TUBGCP2: variants seen among roughly 807,000 people sequenced by gnomAD.
TUBGCP2 encodes the protein tubulin gamma complex component 2.
In TUBGCP2, 55 loss-of-function variants were observed where a neutral mutation model predicts 92.2. The ratio of observed to expected loss-of-function variants is 0.60; its 90% CI spans 0.48 to 0.75. The LOEUF is 0.75. Among genes scored for constraint, TUBGCP2 ranks in the 30% least tolerant of loss-of-function variants. The pLI, the probability that TUBGCP2 is intolerant of heterozygous loss-of-function variation, is 0.00. For missense variants in TUBGCP2, 1,093 were observed against 1,188.9 expected, an observed-to-expected ratio of 0.92 and a Z score of 1.19; for synonymous variants, 533 against 505.2, an observed-to-expected ratio of 1.06 and a Z score of -0.74.
upstream of TUBGCP2, chr10:133,308,898 C>T (rs1847904323): frequency 8.3e-7 from 1 of 1,204,800 alleles, no homozygotes; most frequent in Non-Finnish European, 1.0e-6. Flanking sequence ...TCCGGCTCGG[C>T]TCGCGGACGG....
At position 133,293,027 on chromosome 10, in the gene TUBGCP2, G is replaced by A. The variant is rs768048416; in HGVS notation, c.1024+12C>T. The A allele has an allele frequency of 1.2e-6, 2 of 1,611,632 alleles. No homozygotes were observed. Among genetic ancestry groups the A allele is most frequent in the Non-Finnish European group, 1.7e-6 (2 of 1,179,460 alleles). On this transcript the variant is annotated intron_variant, in intron 7 of 17. Transcript: ENST00000252936. ...CCCACCACTGCCCCATGCCCCCCGG[G>A]CGGGCACGCACCGAGGGAGGCCAGG...
chr10:133,309,541 C>A (rs549041009), upstream of TUBGCP2: 102 of 1,507,902 alleles, frequency 6.8e-5, no homozygotes, highest in Non-Finnish European at 9.1e-5. Context: ...TGGGGCTGTG[C>A]TGCCGCTCTT....
rs773839000 is a variant in TUBGCP2, at chr10:133,281,448, G to C, written c.2410-12C>G. On this transcript the variant is annotated splice_polypyrimidine_tract_variant and intron_variant, in intron 16 of 17. Coordinates refer to ENST00000252936, the MANE Select transcript of TUBGCP2 (RefSeq NM_006659.4). ...TGCTCAGCCAGGTGCTGGAAAGAAA[G>C]CCGGGGTGCGTGAGCCATGCCCACC... The C allele has an allele frequency of 2.5e-6, 4 of 1,609,816 alleles. No homozygotes were observed. Among genetic ancestry groups the C allele is most frequent in the Non-Finnish European group, 3.4e-6 (4 of 1,179,372 alleles).
In TUBGCP2 at chr10:133,292,047, GTGTCCCCCA is replaced by G. The variant is rs1365013580; in HGVS notation, c.1214+443_1214+451del. Reference sequence around the variant, plus strand: ...CCTCTGTGTCCCTCCGTGTCCCTCCGTGTCCCCCATGTCCCTCCGTGTCCCCCGTGTCCC... The same window carrying G: ...CCTCTGTGTCCCTCCGTGTCCCTCCGTGTCCCTCCGTGTCCCCCGTGTCCC... On this transcript the variant is annotated intron_variant, in intron 8 of 17. Coordinates refer to ENST00000252936, the MANE Select transcript of TUBGCP2 (RefSeq NM_006659.4). 7.1e-4 allele frequency among the ~76,000 whole-genome samples: 8 copies of G among 11,256 alleles called. 1 individual carries two copies. The highest frequency in any genetic ancestry group is 1.5e-3 in the Non-Finnish European group (7 of 4,756). The allele number at this position is 11,256 out of a possible 152,430, so 7.4% of individuals were successfully genotyped here.
At position 133,283,700 on chromosome 10, in the gene TUBGCP2, TCTCC is replaced by T. The variant is rs1564934603; in HGVS notation, c.2145+178_2145+181del. On this transcript the variant is annotated intron_variant, in intron 14 of 17. Coordinates refer to ENST00000252936, the MANE Select transcript of TUBGCP2 (RefSeq NM_006659.4). Reference sequence around the variant, plus strand: ...CCCTGCCTCTCCCGCATTCCCTGCCTCTCCCGCACGCCCTGCCTCTCCCGCACTC... The same window carrying T: ...CCCTGCCTCTCCCGCATTCCCTGCCTCGCACGCCCTGCCTCTCCCGCACTC... Among the ~76,000 whole-genome samples the T allele has an allele frequency of 1.7e-3, 105 of 62,074 alleles. 1 individual carries two copies. Among genetic ancestry groups the T allele is most frequent in the African/African-American group, 3.4e-3 (91 of 27,146 alleles). 40.7% of individuals were successfully genotyped at this position (62,074 alleles called of 152,430 possible).
intron 1 of TUBGCP2, among the ~76,000 whole-genome samples, chr10:133,306,728 C>A (rs898292219): frequency 6.6e-6 from 1 of 152,148 alleles, no homozygotes; most frequent in African/African-American, 2.4e-5. Flanking sequence ...GCGGAGCTTG[C>A]AGTGAGCCAA....
intron 5 of TUBGCP2, among the ~76,000 whole-genome samples, 192 bp from the exon 6 acceptor site, chr10:133,293,961 G>T (rs907415047): frequency 6.6e-6 from 1 of 152,246 alleles, no homozygotes; most frequent in Non-Finnish European, 1.5e-5. Flanking sequence ...GCAGGACGGG[G>T]CCGGCCTGGG....
chr10:133,298,804 C>T (rs7082186), intron 4 of TUBGCP2, among the ~76,000 whole-genome samples: 9,674 of 152,266 alleles, frequency 0.064, 420 homozygotes, highest in African/African-American at 0.12. Context: ...CAGCACAGAA[C>T]GTGCCCAGCA....
upstream of TUBGCP2, chr10:133,310,385 T>C: frequency 6.7e-7 from 1 of 1,493,976 alleles, no homozygotes; most frequent in Non-Finnish European, 9.1e-7. Flanking sequence ...TATTAAGCAC[T>C]TGTGTGTCAC....
intron 1 of TUBGCP2, among the ~76,000 whole-genome samples, chr10:133,306,318 C>G (rs868491844): frequency 2.0e-5 from 3 of 152,306 alleles, no homozygotes; most frequent in Middle Eastern, 3.4e-3. Flanking sequence ...CTGTTTCACC[C>G]ACATTCTACT....
intron 13 of TUBGCP2, 106 bp from the exon 14 acceptor site, chr10:133,284,108 C>T (rs1040746712): frequency 9.9e-6 from 15 of 1,515,502 alleles, no homozygotes; most frequent in East Asian, 2.3e-5. Flanking sequence ...GTTCTCTGGA[C>T]GTGGCTATTT....
At chr10:133,282,039 G>A (rs1226230397) in intron 16 of TUBGCP2, among the ~76,000 whole-genome samples, 184 bp downstream of exon 16, 1 of 152,270 alleles carries the variant, frequency 6.6e-6, no homozygotes, top group African/African-American at 2.4e-5. Context: ...GGGGACCAGA[G>A]AGCTGAGAAG....
Position 133,300,031 on chromosome 10 carries a change from AG to A in TUBGCP2, c.232del (p.Asp79ThrfsTer59). On this transcript the variant is annotated frameshift_variant, in exon 3 of 18. Transcript: ENST00000252936. LOFTEE classifies it high-confidence loss of function. ...TGACAACAGGTACACCAGCGGGTCA[AG>A]GTTCCTTGTATTTTTAGATTTCAGT... ...DELKSKNTRN[L>X]DPLVYLLSKL... The A allele has an allele frequency of 6.2e-7, 1 of 1,614,200 alleles. No individual in the cohort carries two copies. Among genetic ancestry groups the A allele is most frequent in the Non-Finnish European group, 8.5e-7 (1 of 1,180,032 alleles).
chr10:133,302,800 T>C lies in TUBGCP2; in HGVS notation c.142A>G (p.Ser48Gly). The change falls in exon 2 of 18, where the codon AGT (serine) becomes GGT (glycine). Residue 48 changes from serine to glycine, a missense_variant. This residue lies in a region of TUBGCP2 where 490 missense variants were observed against 488.5 expected (regional missense o/e 1.00). Coordinates refer to ENST00000252936, the MANE Select transcript of TUBGCP2 (RefSeq NM_006659.4). ...PYVTTTVSAHSAKVKIAEFSR... is the reference protein window; with the variant it reads ...PYVTTTVSAHGAKVKIAEFSR... ...CCAAGGGCAGTGCTCACCTTGGCAC[T>C]GTGAGCAGAGACAGTGGTAGTGACG... 1 of 1,612,574 alleles carries C rather than the reference T, an allele frequency of 6.2e-7. No homozygotes were observed. Among genetic ancestry groups the C allele is most frequent in the South Asian group, 1.1e-5 (1 of 91,008 alleles).
Position 133,302,869 on chromosome 10 carries a change from C to A in TUBGCP2, c.73G>T (p.Ala25Ser), listed in dbSNP as rs1847707228. The change falls in exon 2 of 18, where the codon GCT becomes TCT. Residue 25 changes from alanine to serine, a missense_variant. Coordinates refer to ENST00000252936, the MANE Select transcript of TUBGCP2 (RefSeq NM_006659.4). ...SLLRVHGGDG[A>S]EVYIDLLQKN... ...TGAAGCAGGTCAATGTAGACCTCAGCCCCATCTCCTCCGTGGACACGCAGC... is the reference window on the plus strand; with the variant it reads ...TGAAGCAGGTCAATGTAGACCTCAGACCCATCTCCTCCGTGGACACGCAGC... 6.2e-7 allele frequency: 1 copy of A among 1,613,866 alleles called. No homozygotes were observed. Among genetic ancestry groups the A allele is most frequent in the Non-Finnish European group, 8.5e-7 (1 of 1,180,004 alleles).
upstream of TUBGCP2, chr10:133,312,306 G>A (rs1400454190): frequency 1.7e-6 from 2 of 1,208,172 alleles, no homozygotes; most frequent in Non-Finnish European, 2.1e-6. Flanking sequence ...CGTCACCTGT[G>A]CCGTCTGCCT....
chr10:133,307,429 AG>A (rs1338558971), intron 1 of TUBGCP2, among the ~76,000 whole-genome samples: 2 of 152,278 alleles, frequency 1.3e-5, no homozygotes, highest in Non-Finnish European at 2.9e-5. Context: ...GAGAGCTCAA[AG>A]CTAACTGTAC....
At chr10:133,309,410 C>G, upstream of TUBGCP2, 4 of 1,612,290 alleles carry the variant, frequency 2.5e-6, no homozygotes, top group Non-Finnish European at 3.4e-6. Context: ...TGCAGCGCCA[C>G]CTCTACCTCC....
At chr10:133,311,619 C>A (rs1446423823), upstream of TUBGCP2, 4 of 1,065,106 alleles carry the variant, frequency 3.8e-6, no homozygotes, top group African/African-American at 3.2e-5. Flanking sequence ...ATGCTACTTA[C>A]AGGGAAATCC....
Sources: allele counts gnomAD v4.1 joint callset (sites outside exome capture counted in the v4.1 genomes callset), GRCh38; gene constraint gnomAD v4.1.1; regional missense constraint gnomAD v4.1.1; transcripts MANE v1.5; gene names NCBI Gene and HGNC (gene_info 2026-07-23, HGNC 2026-07-21).